Variants in MAP3K21 observed in about 807,000 individuals in gnomAD.
The protein encoded by MAP3K21 is mitogen-activated protein kinase kinase kinase MLK4.
A neutral mutation model predicts 86.1 loss-of-function variants in MAP3K21; 63 were observed. That is an observed-to-expected ratio of 0.73 (90% CI 0.60 to 0.90). The LOEUF (loss-of-function observed/expected upper bound fraction) is 0.90. Among genes scored for constraint, MAP3K21 ranks in the 40% least tolerant of loss-of-function variants. The pLI, the probability that MAP3K21 is intolerant of heterozygous loss-of-function variation, is 0.00. For synonymous variants in MAP3K21, 558 were observed against 564.8 expected (o/e 0.99, Z 0.17); for missense variants, 1,220 against 1,367.7 (o/e 0.89, Z 1.70).
chr1:233,335,144 G>A (rs1026821583), intron 1 of MAP3K21, among the ~76,000 whole-genome samples: 16 of 152,016 alleles, frequency 1.1e-4, no homozygotes, highest in African/African-American at 3.9e-4. Context: ...CAAACCCTCT[G>A]AGGCAATCCA....
At chr1:233,351,696 C>G (rs1268007699) in intron 2 of MAP3K21, among the ~76,000 whole-genome samples, 2 of 117,102 alleles carry the variant, frequency 1.7e-5, no homozygotes, top group Non-Finnish European at 3.6e-5. Flanking sequence ...GATTCCATCT[C>G]AAAAAAAAAA....
rs1325601973 is a variant in MAP3K21 at position 233,382,300 on chromosome 1, A to G, written c.2705-5A>G. ...ACTGCATACTGTTTTGGCTTTCTCA[A>G]CCAGCTGGTGCAACTATTATCTCAG... is the stretch of plus-strand genomic sequence containing the variant. On this transcript the variant is annotated splice_polypyrimidine_tract_variant and splice_region_variant and intron_variant, in intron 9 of 9. Coordinates refer to ENST00000366624, the MANE Select transcript of MAP3K21 (RefSeq NM_032435.3). 1.2e-6 allele frequency: 2 copies of G among 1,604,596 alleles called. No homozygotes were observed. Among genetic ancestry groups the G allele is most frequent in the Non-Finnish European group, 1.7e-6 (2 of 1,172,944 alleles).
chr1:233,339,099 A>G (rs1332715208), intron 1 of MAP3K21, among the ~76,000 whole-genome samples: 1 of 152,214 alleles, frequency 6.6e-6, no homozygotes, highest in Non-Finnish European at 1.5e-5. Context: ...ACCAGTGAAG[A>G]AAGTATTTCA....
intron 1 of MAP3K21, among the ~76,000 whole-genome samples, chr1:233,337,710 G>A (rs1256718073): frequency 1.3e-5 from 2 of 152,158 alleles, no homozygotes; most frequent in African/African-American, 4.8e-5. Flanking sequence ...GTACACTTTG[G>A]CAGGCCTGCT....
At chr1:233,358,722 T>A (rs943256286) in intron 4 of MAP3K21, among the ~76,000 whole-genome samples, 2 of 151,968 alleles carry the variant, frequency 1.3e-5, no homozygotes, top group African/African-American at 4.8e-5. Flanking sequence ...TTGAGCCTGG[T>A]AAGTTGAGGC....
intron 5 of MAP3K21, among the ~76,000 whole-genome samples, chr1:233,371,296 CG>C (rs1301701496): frequency 6.6e-6 from 1 of 152,106 alleles, no homozygotes; most frequent in Non-Finnish European, 1.5e-5. Context: ...AGGTCCATAG[CG>C]TGTTATGTTA....
chr1:233,334,006 G>A (rs1174920800), intron 1 of MAP3K21, among the ~76,000 whole-genome samples: 1 of 152,144 alleles, frequency 6.6e-6, no homozygotes, highest in African/African-American at 2.4e-5. Context: ...GGGACTACAG[G>A]CGCCCGCCAC....
At chr1:233,372,186 G>T (rs746630665) in intron 6 of MAP3K21, 26 bp downstream of exon 6, 59 of 1,611,282 alleles carry the variant, frequency 3.7e-5, no homozygotes, top group Non-Finnish European at 4.8e-5. Flanking sequence ...TGCCACGGGG[G>T]CTCCTGTGTT....
rs1439208213 is a variant in MAP3K21 at position 233,346,710 on chromosome 1, T to C, written c.986+88T>C. 7.8e-6 allele frequency: 9 copies of C among 1,160,528 alleles called. No individual in the cohort carries two copies. The Admixed American group carries it at 1.1e-4, about 14-fold the overall frequency. 71.9% of individuals were successfully genotyped at this position (1,160,528 alleles called of 1,614,324 possible). A position where few individuals can be genotyped will look rare whatever the true frequency, so the allele number is the denominator to read the frequency against. Reference sequence around the variant, plus strand: ...CCAAAGTATTCAGTAATTCTCAGCATAAATAGTCGAGGCCTTTTTGAATGA... The same window carrying C: ...CCAAAGTATTCAGTAATTCTCAGCACAAATAGTCGAGGCCTTTTTGAATGA... On this transcript the variant is annotated intron_variant, in intron 2 of 9. Transcript: ENST00000366624.
In MAP3K21 at chr1:233,346,478, G is replaced by C; in HGVS notation, c.842G>C (p.Cys281Ser). 6.2e-7 allele frequency: 1 copy of C among 1,613,288 alleles called. No individual in the cohort carries two copies. Among genetic ancestry groups the C allele is most frequent in the Non-Finnish European group, 8.5e-7 (1 of 1,179,494 alleles). The part of the protein sequence containing the change: ...LLEKIEHDDI[C>S]NKTLKITDFG... ...GAGAAGATAGAACATGATGACATCT[G>C]CAATAAAACTTTGAAGATTACAGAT... is the stretch of plus-strand genomic sequence containing the variant. Residue 281 changes from cysteine (C) to serine (S), a missense_variant, in exon 2 of 10, where the codon TGC (cysteine) becomes TCC (serine). Cys to Ser is a moderately radical substitution (Grantham distance 112, BLOSUM62 -1). Coordinates refer to ENST00000366624, the MANE Select transcript of MAP3K21 (RefSeq NM_032435.3).
intron 2 of MAP3K21, among the ~76,000 whole-genome samples, chr1:233,353,304 A>G (rs1000787903): frequency 6.6e-6 from 1 of 152,216 alleles, no homozygotes; most frequent in Non-Finnish European, 1.5e-5. Context: ...GAGAGGCAGG[A>G]AGATAAACAG....
chr1:233,332,221 G>A lies in MAP3K21; in HGVS notation c.805+3388G>A, dbSNP rs777974303. 3.9e-5 allele frequency among the ~76,000 whole-genome samples: 6 copies of A among 152,096 alleles called. 1 individual carries two copies. The highest frequency in any genetic ancestry group is 1.5e-5 in the Non-Finnish European group (1 of 68,022). Reference sequence around the variant, plus strand: ...CTGCCATCATAGAGCTTAGTCTAACGGGGAAGATAGATGGCAGTCACGTAA... The same window carrying A: ...CTGCCATCATAGAGCTTAGTCTAACAGGGAAGATAGATGGCAGTCACGTAA... On this transcript the variant is annotated intron_variant, in intron 1 of 9. Coordinates refer to ENST00000366624, the MANE Select transcript of MAP3K21 (RefSeq NM_032435.3).
chr1:233,333,244 G>C (rs1369114667), intron 1 of MAP3K21, among the ~76,000 whole-genome samples: 2 of 152,130 alleles, frequency 1.3e-5, no homozygotes, highest in Non-Finnish European at 2.9e-5. Context: ...TCTCTCTTCT[G>C]TTCTTATACT....
intron 8 of MAP3K21, among the ~76,000 whole-genome samples, chr1:233,378,064 G>A (rs1362871080): frequency 6.6e-6 from 1 of 152,204 alleles, no homozygotes; most frequent in Non-Finnish European, 1.5e-5. Context: ...CTGCTGTGCA[G>A]CCTGGTTCCT....
rs1244957317 is a variant in MAP3K21 at position 233,379,624 on chromosome 1, CAT to C, written c.2619_2620del (p.Cys874TrpfsTer12). 4 of 1,613,528 alleles carry C rather than the reference CAT, an allele frequency of 2.5e-6. No homozygotes were observed. Among genetic ancestry groups the C allele is most frequent in the Non-Finnish European group, 3.4e-6 (4 of 1,179,574 alleles). On this transcript the variant is annotated frameshift_variant, in exon 9 of 10. Transcript: ENST00000366624. LOFTEE classifies it high-confidence loss of function. ...TTGCCGTCTTCCTTCCTACAGCAGACATGTGGGAATGTACCTTACTGTGCTTC... is the reference window on the plus strand; with the variant it reads ...TTGCCGTCTTCCTTCCTACAGCAGACGTGGGAATGTACCTTACTGTGCTTC...
At chr1:233,352,289 C>A (rs1375389215) in intron 2 of MAP3K21, among the ~76,000 whole-genome samples, 3 of 152,102 alleles carry the variant, frequency 2.0e-5, no homozygotes, top group African/African-American at 7.2e-5. Flanking sequence ...ATTAGCATAT[C>A]CTTCATCTCA....
At chr1:233,368,727 C>T (rs1219916920) in intron 5 of MAP3K21, among the ~76,000 whole-genome samples, 1 of 151,958 alleles carries the variant, frequency 6.6e-6, no homozygotes, top group African/African-American at 2.4e-5. Context: ...TTTGGTTTGT[C>T]TTCCAAATCT....
chr1:233,356,440 T>C (rs1663357987), intron 4 of MAP3K21, among the ~76,000 whole-genome samples: 1 of 151,000 alleles, frequency 6.6e-6, no homozygotes, highest in African/African-American at 2.4e-5. Flanking sequence ...ATAGTGGCCA[T>C]TATCATTATT....
At chr1:233,381,304 A>G (rs1458036065) in intron 9 of MAP3K21, among the ~76,000 whole-genome samples, 2 of 152,204 alleles carry the variant, frequency 1.3e-5, no homozygotes, top group East Asian at 3.9e-4. Context: ...ACCTAATACT[A>G]TACTTACCTA....
Sources: gnomAD v4.1 joint callset for allele counts (sites outside exome capture counted in the v4.1 genomes callset) on GRCh38, gnomAD v4.1.1 for gene constraint, MANE v1.5 for transcripts, NCBI Gene and HGNC (gene_info 2026-07-23, HGNC 2026-07-21) for gene names.